The following ULK4 variants were observed in gnomAD, a reference collection of about 807,000 sequenced individuals.
ULK4 encodes unc-51 like kinase 4.
In ULK4, 133 loss-of-function variants were observed where a neutral mutation model predicts 160.6. That is an observed-to-expected ratio of 0.83 (90% CI 0.72 to 0.96). The LOEUF is 0.96. Among genes scored for constraint, ULK4 ranks in the 40% least tolerant of loss-of-function variants. ULK4 has a pLI of 0.00. For missense variants in ULK4, 1,580 were observed against 1,499.5 expected (o/e 1.05, Z -0.89); for synonymous variants, 534 against 539.8 (o/e 0.99, Z 0.15).
chr3:41,657,025 C>G (rs974310730), intron 30 of ULK4, among the ~76,000 whole-genome samples: 56 of 152,198 alleles, frequency 3.7e-4, no homozygotes, highest in African/African-American at 1.3e-3. Context: ...AAGGGCAGTG[C>G]TCAGGGGAGT....
chr3:41,365,617 AG>A (rs2081240294), intron 35 of ULK4, among the ~76,000 whole-genome samples: 1 of 152,188 alleles, frequency 6.6e-6, no homozygotes, highest in Non-Finnish European at 1.5e-5. Flanking sequence ...CATTATGTCT[AG>A]TTTTTTATGA....
chr3:41,818,211 CAA>C (rs930637930), intron 19 of ULK4, among the ~76,000 whole-genome samples: 146 of 151,980 alleles, frequency 9.6e-4, no homozygotes, highest in African/African-American at 3.3e-3. Flanking sequence ...ACCAGTATAT[CAA>C]AGAGACAACT....
At chr3:41,565,229 T>C (rs1575422541) in intron 32 of ULK4, among the ~76,000 whole-genome samples, 2 of 152,376 alleles carry the variant, frequency 1.3e-5, no homozygotes, top group East Asian at 3.9e-4. Context: ...ACGTAATGCA[T>C]GACTGTACAT....
intron 30 of ULK4, among the ~76,000 whole-genome samples, chr3:41,617,284 GC>G (rs775353523): frequency 5.3e-5 from 8 of 152,248 alleles, no homozygotes; most frequent in Non-Finnish European, 1.0e-4. Context: ...GGGACAGGCT[GC>G]CTCCTCAAGT....
chr3:41,479,324 T>A (rs771093928), intron 32 of ULK4, among the ~76,000 whole-genome samples: 4 of 152,230 alleles, frequency 2.6e-5, no homozygotes, highest in Non-Finnish European at 4.4e-5. Context: ...ATTTATAATG[T>A]AAATTTTACA....
chr3:41,697,439 A>G (rs1324221417), intron 27 of ULK4, among the ~76,000 whole-genome samples: 1 of 152,338 alleles, frequency 6.6e-6, no homozygotes, highest in East Asian at 1.9e-4. Context: ...CAAAAATAGA[A>G]AAAAGCTTAT....
intron 35 of ULK4, among the ~76,000 whole-genome samples, chr3:41,351,256 C>T (rs1277325242): frequency 6.6e-6 from 1 of 152,092 alleles, no homozygotes; most frequent in East Asian, 1.9e-4. Context: ...TAACTCACCA[C>T]AGAGGGAAAT....
At chr3:41,915,900 C>T in intron 8 of ULK4, 77 bp downstream of exon 8, 1 of 948,168 alleles carries the variant, frequency 1.1e-6, no homozygotes, top group Non-Finnish European at 1.6e-6. Flanking sequence ...ATTATTTATT[C>T]CCATTAAAAT....
chr3:41,708,410 G>T (rs1261109191), intron 25 of ULK4, among the ~76,000 whole-genome samples: 4 of 152,152 alleles, frequency 2.6e-5, no homozygotes, highest in Non-Finnish European at 5.9e-5. Context: ...TTATGTAAGT[G>T]AAAGGAGCCA....
intron 31 of ULK4, among the ~76,000 whole-genome samples, chr3:41,579,839 C>T (rs1358370460): frequency 6.6e-6 from 1 of 152,244 alleles, no homozygotes; most frequent in East Asian, 1.9e-4. Context: ...CCTGCTGACC[C>T]GCATGTTGGA....
chr3:41,300,837 T>TATATATATATATATATATA (rs1553640531), intron 35 of ULK4, among the ~76,000 whole-genome samples: 2 of 57,868 alleles, frequency 3.5e-5, no homozygotes, highest in African/African-American at 9.1e-5. Context: ...ATTTTACAGA[T>TATATATATATATATATATA]TATATATATA....
chr3:41,555,643 A>C (rs1203573326), intron 32 of ULK4, among the ~76,000 whole-genome samples: 1 of 152,260 alleles, frequency 6.6e-6, no homozygotes, highest in Non-Finnish European at 1.5e-5. Context: ...TACACATGCC[A>C]TTTGACCCAG....
chr3:41,914,554 T>C (rs980237877), intron 8 of ULK4, among the ~76,000 whole-genome samples: 2 of 152,220 alleles, frequency 1.3e-5, no homozygotes, highest in African/African-American at 4.8e-5. Context: ...AGCCATTTCA[T>C]TTTGAGAAAT....
chr3:41,386,279 C>T lies in ULK4; in HGVS notation c.3678+11800G>A, dbSNP rs2081807622. Among the ~76,000 whole-genome samples, 2 of 152,120 alleles carry T rather than the reference C, an allele frequency of 1.3e-5. 1 individual carries two copies. The highest frequency in any genetic ancestry group is 4.1e-4 in the South Asian group (2 of 4,830). ...TGCATTTCATTTTGTGGCCTGCTTT[C>T]ACATTCACCCACCCTAATTTTCAAA... is the stretch of plus-strand genomic sequence containing the variant. On this transcript the variant is annotated intron_variant, in intron 35 of 36. Coordinates refer to ENST00000301831, the MANE Select transcript of ULK4 (RefSeq NM_017886.4).
intron 30 of ULK4, among the ~76,000 whole-genome samples, chr3:41,629,985 A>G (rs1015905850): frequency 1.3e-5 from 2 of 152,156 alleles, no homozygotes; most frequent in African/African-American, 4.8e-5. Context: ...TGTCTCAAAT[A>G]AATAAATAAC....
chr3:41,538,024 C>G (rs2086567674), intron 32 of ULK4, among the ~76,000 whole-genome samples: 1 of 151,864 alleles, frequency 6.6e-6, no homozygotes, highest in Non-Finnish European at 1.5e-5. Flanking sequence ...TGCCTGGGAA[C>G]TCATCTGCCG....
intron 34 of ULK4, among the ~76,000 whole-genome samples, chr3:41,435,705 G>C (rs902539368): frequency 1.3e-5 from 2 of 152,174 alleles, no homozygotes; most frequent in Non-Finnish European, 2.9e-5. Context: ...CCAGCACTTT[G>C]GGAGGCTGAG....
intron 30 of ULK4, among the ~76,000 whole-genome samples, chr3:41,634,591 G>A (rs994643207): frequency 1.6e-4 from 24 of 152,300 alleles, no homozygotes; most frequent in African/African-American, 5.3e-4. Context: ...TGTCTGCATG[G>A]TCCCTTTAGA....
intron 30 of ULK4, among the ~76,000 whole-genome samples, chr3:41,657,301 C>T (rs995441424): frequency 4.6e-5 from 7 of 152,096 alleles, no homozygotes; most frequent in Admixed American, 1.3e-4. Context: ...CATAATGCTC[C>T]ACTTAACATA....
Sources: allele counts gnomAD v4.1 joint callset (sites outside exome capture counted in the v4.1 genomes callset), GRCh38; gene constraint gnomAD v4.1.1; transcripts MANE v1.5; gene names NCBI Gene and HGNC (gene_info 2026-07-23, HGNC 2026-07-21).